The following ZSCAN25 variants were observed in gnomAD, a reference collection of about 807,000 sequenced individuals.
ZSCAN25 encodes zinc finger and SCAN domain-containing protein 25.
A neutral mutation model predicts 38.7 loss-of-function variants in ZSCAN25; 27 were observed. The observed-to-expected ratio is 0.70, with a 90% CI of 0.51 to 0.96. The LOEUF (loss-of-function observed/expected upper bound fraction) is 0.96, where lower values mean the gene tolerates loss of function less well. ZSCAN25 is among the 40% of genes least tolerant of loss of function. The pLI, the probability that ZSCAN25 is intolerant of heterozygous loss-of-function variation, is 0.00. For synonymous variants in ZSCAN25, 273 were observed against 277.7 expected (o/e 0.98, Z 0.17); for missense variants, 637 against 705.9 (o/e 0.90, Z 1.11).
chr7:99,714,548 G>A, the ZSCAN25 span: 12 of 1,612,094 alleles, frequency 7.4e-6, no homozygotes, highest in African/African-American at 2.7e-5. Context: ...CTACCACCAC[G>A]TTTTACCTTT....
the ZSCAN25 span, among the ~76,000 whole-genome samples, chr7:99,673,386 A>G: frequency 3.7e-4 from 57 of 152,350 alleles, no homozygotes; most frequent in East Asian, 9.2e-3. Context: ...AGCTGCTGCA[A>G]TTGGCTGAGA....
In ZSCAN25 at chr7:99,621,563, TC is replaced by T; in HGVS notation, c.580del (p.Gln194ArgfsTer17). The T allele has an allele frequency of 6.8e-7, 1 of 1,463,344 alleles. No individual in the cohort carries two copies. The highest frequency in any genetic ancestry group is 1.4e-5 in the South Asian group (1 of 69,302). The allele number at this position is 1,463,344 out of a possible 1,614,324, so 90.6% of individuals were successfully genotyped here. ...SQDPGDETRAFQEQALPVLQA... is the reference protein window; with the variant it reads ...SQDPGDETRAXQEQALPVLQA... Reference sequence around the variant, plus strand: ...GACCCTGGAGATGAGACACGGGCCTTCCAGGAGCAAGGTGAGTAAGACGCAG... The same window carrying T: ...GACCCTGGAGATGAGACACGGGCCTTCAGGAGCAAGGTGAGTAAGACGCAG... On this transcript the variant is annotated frameshift_variant, in exon 5 of 8. Transcript: ENST00000394152. LOFTEE classifies it high-confidence loss of function.
Position 99,632,220 on chromosome 7 carries a change from G to A in ZSCAN25, c.*2200G>A. 1 of 985,326 alleles carries A rather than the reference G, an allele frequency of 1.0e-6. No homozygotes were observed. Among genetic ancestry groups the A allele is most frequent in the Non-Finnish European group, 1.2e-6 (1 of 829,888 alleles). The allele number at this position is 985,326 out of a possible 1,614,324, so 61.0% of individuals were successfully genotyped here. On this transcript the variant is annotated 3_prime_UTR_variant, in exon 8 of 8. Coordinates refer to ENST00000394152, the MANE Select transcript of ZSCAN25 (RefSeq NM_145115.3). ...GACAGTGTCTCAGAAAAGCCTCTAA[G>A]TAGGGGGTTTTTCCCATGGGATTGT...
the ZSCAN25 span, among the ~76,000 whole-genome samples, chr7:99,689,498 C>T: frequency 6.6e-6 from 1 of 152,214 alleles, no homozygotes; most frequent in Non-Finnish European, 1.5e-5. Context: ...AGACCAATAA[C>T]AGGCTCTGAA....
the ZSCAN25 span, chr7:99,671,641 A>C: frequency 3.5e-6 from 2 of 572,238 alleles, no homozygotes; most frequent in Non-Finnish European, 6.2e-6. Flanking sequence ...TATAACTCTT[A>C]GAAAAAGCAA....
At chr7:99,666,819 A>G in the ZSCAN25 span, 1 of 1,579,692 alleles carries the variant, frequency 6.3e-7, no homozygotes, top group Non-Finnish European at 8.6e-7. Flanking sequence ...TTCTGTACAT[A>G]AAGATAAAAG....
the ZSCAN25 span, chr7:99,652,536 T>C: frequency 1.3e-6 from 2 of 1,571,980 alleles, no homozygotes; most frequent in African/African-American, 2.7e-5. Context: ...GAGCTCCATT[T>C]CCCTGGAGAC....
At chr7:99,722,149 C>G in the ZSCAN25 span, 36 of 979,930 alleles carry the variant, frequency 3.7e-5, no homozygotes, top group African/African-American at 5.5e-4. Flanking sequence ...AAATACATAT[C>G]TTCTTCTTTC....
At chr7:99,671,787 CA>C in the ZSCAN25 span, 14 of 702,428 alleles carry the variant, frequency 2.0e-5, no homozygotes, top group Non-Finnish European at 3.4e-5. Context: ...GAGAAAAAGA[CA>C]AACTCCATGT....
the ZSCAN25 span, chr7:99,731,084 A>C: frequency 6.2e-7 from 1 of 1,613,600 alleles, no homozygotes; most frequent in Non-Finnish European, 8.5e-7. Context: ...AGCATTTCCC[A>C]AAAAAGGCAG....
the ZSCAN25 span, among the ~76,000 whole-genome samples, chr7:99,690,086 T>C: frequency 2.6e-5 from 4 of 152,212 alleles, no homozygotes; most frequent in Non-Finnish European, 4.4e-5. Context: ...AGCATGGTAC[T>C]GGTACCAAAA....
intron 6 of ZSCAN25, among the ~76,000 whole-genome samples, chr7:99,623,445 G>C (rs910498143): frequency 6.6e-6 from 1 of 152,218 alleles, no homozygotes; most frequent in Admixed American, 6.5e-5. Flanking sequence ...TAGCAGGGAG[G>C]TGGGGGCTTT....
rs759031243 is a variant in ZSCAN25 at position 99,629,258 on chromosome 7, G to A, written c.873G>A (p.Leu291=). Residue 291 remains leucine (L), a synonymous_variant, in exon 8 of 8, where the codon CTG becomes CTA. Coordinates refer to ENST00000394152, the MANE Select transcript of ZSCAN25 (RefSeq NM_145115.3). This position sits in a 1 kb window ranked among gnomAD's most constrained non-coding sequence, Gnocchi z 5.6. ...QEDLKGALVA[L]TSERFGEASL... Reference sequence around the variant, plus strand: ...ACCTGAAAGGGGCGCTGGTGGCACTGACATCAGAGAGGTTTGGGGAAGCCT... The same window carrying A: ...ACCTGAAAGGGGCGCTGGTGGCACTAACATCAGAGAGGTTTGGGGAAGCCT... 6.2e-7 allele frequency: 1 copy of A among 1,614,124 alleles called. No homozygotes were observed. Among genetic ancestry groups the A allele is most frequent in the Non-Finnish European group, 8.5e-7 (1 of 1,179,974 alleles).
chr7:99,677,731 C>G, the ZSCAN25 span, among the ~76,000 whole-genome samples: 152 of 152,332 alleles, frequency 1.0e-3, 1 homozygote, highest in Non-Finnish European at 1.7e-3. Context: ...CACCACCTGC[C>G]AAAGCCAGGG....
the ZSCAN25 span, among the ~76,000 whole-genome samples, chr7:99,737,512 G>A: frequency 1.3e-5 from 2 of 152,054 alleles, no homozygotes; most frequent in African/African-American, 4.8e-5. Context: ...TTGCCACACC[G>A]AGAGGTGCAC....
At chr7:99,665,016 G>A in the ZSCAN25 span, 8 of 809,874 alleles carry the variant, frequency 9.9e-6, no homozygotes, top group Non-Finnish European at 1.5e-5. Flanking sequence ...AAACATTTTA[G>A]TTTACAATAG....
chr7:99,675,975 A>G, the ZSCAN25 span: 18 of 685,970 alleles, frequency 2.6e-5, no homozygotes, highest in Non-Finnish European at 3.7e-5. Flanking sequence ...GATTACAGGC[A>G]TGATCCACTG....
the ZSCAN25 span, chr7:99,663,972 T>C: frequency 2.5e-6 from 4 of 1,581,456 alleles, no homozygotes; most frequent in Non-Finnish European, 3.4e-6. Context: ...TTTTACCTTT[T>C]GTTTGTCGTT....
In ZSCAN25 at chr7:99,631,945, G is replaced by T; in HGVS notation, c.*1925G>T. On this transcript the variant is annotated 3_prime_UTR_variant, in exon 8 of 8. Coordinates refer to ENST00000394152, the MANE Select transcript of ZSCAN25 (RefSeq NM_145115.3). Reference sequence around the variant, plus strand: ...GCTAGGCAGGGCTGACAGCCAGGCAGACTCAGTGGGAGGCTTCTGGCCTGA... The same window carrying T: ...GCTAGGCAGGGCTGACAGCCAGGCATACTCAGTGGGAGGCTTCTGGCCTGA... The T allele has an allele frequency of 1.0e-6, 1 of 985,506 alleles. No individual in the cohort carries two copies. The highest frequency in any genetic ancestry group is 1.2e-6 in the Non-Finnish European group (1 of 829,970). 61.0% of individuals were successfully genotyped at this position (985,506 alleles called of 1,614,324 possible).
Sources: allele counts gnomAD v4.1 joint callset (sites outside exome capture counted in the v4.1 genomes callset), GRCh38; gene constraint gnomAD v4.1.1; non-coding constraint Gnocchi (gnomAD v3.1); transcripts MANE v1.5; gene names NCBI Gene and HGNC (gene_info 2026-07-23, HGNC 2026-07-21).